The following WASF1 variants were observed in gnomAD, a reference collection of about 807,000 sequenced individuals.
The protein encoded by WASF1 is actin-binding protein WASF1.
A neutral mutation model predicts 50.5 loss-of-function variants in WASF1; 7 were observed. That is an observed-to-expected ratio of 0.14 (90% CI 0.08 to 0.26). WASF1 has a LOEUF of 0.26. Among genes scored for constraint, WASF1 ranks in the 10% least tolerant of loss-of-function variants. The pLI, the probability that WASF1 is intolerant of heterozygous loss-of-function variation, is 1.00. For missense variants in WASF1, 470 were observed against 694.7 expected (o/e 0.68, Z 3.64); for synonymous variants, 205 against 244.0 (o/e 0.84, Z 1.49).
chr6:110,115,848 G>C (rs1773780290), intron 4 of WASF1, among the ~76,000 whole-genome samples: 1 of 152,140 alleles, frequency 6.6e-6, no homozygotes. Context: ...GACCTCACAG[G>C]GTTTTTAACA....
chr6:110,141,929 G>A (rs372587672), intron 3 of WASF1, among the ~76,000 whole-genome samples: 10 of 152,074 alleles, frequency 6.6e-5, no homozygotes, highest in South Asian at 2.1e-4. Context: ...GCACCGCCAC[G>A]CTCAGCTAAT....
rs967263165 is a variant in WASF1 at position 110,127,488 on chromosome 6, A to T, written c.114T>A (p.Ile38=). The T allele has an allele frequency of 2.6e-5, 41 of 1,603,816 alleles. No homozygotes were observed. The highest frequency in any genetic ancestry group is 3.4e-5 in the Non-Finnish European group (40 of 1,175,570). The change falls in exon 4 of 11, where the codon ATT becomes ATA. Residue 38 remains isoleucine, a synonymous_variant. Coordinates refer to ENST00000392589, the MANE Select transcript of WASF1 (RefSeq NM_003931.3). ...CVTNISLANI[I]RQLSSLSKYA... ...ACTTACTTAGGCTACTTAGTTGTCT[A>T]ATTATATTTGCCAAGGAAATATTGG...
chr6:110,166,950 G>A (rs1172206369), intron 2 of WASF1, among the ~76,000 whole-genome samples: 2 of 151,902 alleles, frequency 1.3e-5, no homozygotes, highest in Non-Finnish European at 2.9e-5. Context: ...AAAGGGCTAT[G>A]CTATCTTAAT....
chr6:110,123,947 G>A (rs940851545), intron 4 of WASF1, among the ~76,000 whole-genome samples: 2 of 152,190 alleles, frequency 1.3e-5, no homozygotes, highest in Middle Eastern at 3.4e-3. Flanking sequence ...AATCCCAGTG[G>A]TTGTTAATGA....
chr6:110,100,314 A>AG lies in WASF1; in HGVS notation c.*207dup, dbSNP rs1468512323. 22 of 489,342 alleles carry AG rather than the reference A, an allele frequency of 4.5e-5. No individual in the cohort carries two copies. Among genetic ancestry groups the AG allele is most frequent in the Admixed American group, 4.4e-4 (11 of 25,160 alleles). 30.3% of individuals were successfully genotyped at this position (489,342 alleles called of 1,614,324 possible). On this transcript the variant is annotated 3_prime_UTR_variant, in exon 11 of 11. Coordinates refer to ENST00000392589, the MANE Select transcript of WASF1 (RefSeq NM_003931.3). ...TTTATTTGACCAAATTAGTCTTTTCAGGGGGAAAAAAAAGATAAGCCACTG... is the reference window on the plus strand; with the variant it reads ...TTTATTTGACCAAATTAGTCTTTTCAGGGGGGAAAAAAAAGATAAGCCACTG...
At chr6:110,115,477 A>T (rs1212642759) in intron 4 of WASF1, among the ~76,000 whole-genome samples, 1 of 152,212 alleles carries the variant, frequency 6.6e-6, no homozygotes. Flanking sequence ...TGAAGTCAGG[A>T]AGTACCTTGC....
chr6:110,150,549 T>C (rs1005696757), intron 3 of WASF1, among the ~76,000 whole-genome samples: 1 of 152,200 alleles, frequency 6.6e-6, no homozygotes, highest in African/African-American at 2.4e-5. Context: ...AACACTACCT[T>C]CACTGCAGAA....
intron 3 of WASF1, among the ~76,000 whole-genome samples, chr6:110,154,935 A>C (rs1775993682): frequency 6.6e-6 from 1 of 152,108 alleles, no homozygotes; most frequent in African/African-American, 2.4e-5. Flanking sequence ...TTCTGCTAAG[A>C]ACATCCTAAT....
chr6:110,140,902 G>A (rs1215767110), intron 3 of WASF1, among the ~76,000 whole-genome samples: 2 of 152,168 alleles, frequency 1.3e-5, no homozygotes, highest in African/African-American at 4.8e-5. Flanking sequence ...AGGAGCTGAG[G>A]ATGTCAATGA....
At chr6:110,151,190 A>G (rs1031632976) in intron 3 of WASF1, among the ~76,000 whole-genome samples, 4 of 152,246 alleles carry the variant, frequency 2.6e-5, no homozygotes, top group Admixed American at 2.6e-4. Flanking sequence ...CTATTGTCAA[A>G]TAGTTTTCAA....
chr6:110,164,487 T>C (rs1310427786), intron 2 of WASF1, among the ~76,000 whole-genome samples: 2 of 151,634 alleles, frequency 1.3e-5, no homozygotes, highest in East Asian at 3.9e-4. Flanking sequence ...CATGTGTCAG[T>C]AGGGAATTGC....
intron 4 of WASF1, among the ~76,000 whole-genome samples, chr6:110,119,029 G>C (rs1474264467): frequency 6.6e-6 from 1 of 152,180 alleles, no homozygotes; most frequent in Non-Finnish European, 1.5e-5. Context: ...GAATCTCTGG[G>C]ACACATTTAA....
intron 10 of WASF1, 69 bp from the exon 11 acceptor site, chr6:110,100,748 G>A: frequency 5.2e-6 from 7 of 1,352,778 alleles, no homozygotes; most frequent in South Asian, 1.9e-5. Flanking sequence ...TAATATTTCT[G>A]GAATAAAATC....
intron 1 of WASF1, 150 bp downstream of exon 1, chr6:110,179,289 G>C (rs1777095442): frequency 1.3e-5 from 2 of 152,396 alleles, no homozygotes; most frequent in Non-Finnish European, 2.9e-5. Flanking sequence ...CGCGGATGGG[G>C]GTGGGGGCCG....
chr6:110,132,910 G>GTATA (rs566001283), intron 3 of WASF1, among the ~76,000 whole-genome samples: 1 of 127,134 alleles, frequency 7.9e-6, no homozygotes, highest in Non-Finnish European at 1.6e-5. Context: ...GTGTGTCTGT[G>GTATA]TATATATATA....
chr6:110,154,027 T>C (rs1020266425), intron 3 of WASF1, among the ~76,000 whole-genome samples: 1 of 152,110 alleles, frequency 6.6e-6, no homozygotes, highest in African/African-American at 2.4e-5. Flanking sequence ...TAGAGGGATT[T>C]CTTTGAGTTC....
chr6:110,164,962 G>A (rs1482203522), intron 2 of WASF1, among the ~76,000 whole-genome samples: 1 of 151,602 alleles, frequency 6.6e-6, no homozygotes, highest in Non-Finnish European at 1.5e-5. Flanking sequence ...CATACTCTAT[G>A]ATTCCAACTA....
At chr6:110,179,405 C>T (rs1479344504) in intron 1 of WASF1, 34 bp downstream of exon 1, 1 of 152,672 alleles carries the variant, frequency 6.5e-6, no homozygotes, top group African/African-American at 2.4e-5. Context: ...ACCCCCTCCC[C>T]GAAAAAAGCA....
At chr6:110,114,370 T>C (rs901666798) in intron 4 of WASF1, among the ~76,000 whole-genome samples, 1 of 152,142 alleles carries the variant, frequency 6.6e-6, no homozygotes, top group African/African-American at 2.4e-5. Flanking sequence ...ACAGCTGTGG[T>C]TGCTTAGCAT....
Sources: allele counts gnomAD v4.1 joint callset (sites outside exome capture counted in the v4.1 genomes callset), GRCh38; gene constraint gnomAD v4.1.1; transcripts MANE v1.5; gene names NCBI Gene and HGNC (gene_info 2026-07-23, HGNC 2026-07-21).